CACNA1B: variants seen among roughly 807,000 people sequenced by gnomAD.
CACNA1B encodes voltage-dependent N-type calcium channel subunit alpha-1B.
Under a neutral mutation model 247.2 loss-of-function variants are expected in CACNA1B, and 70 were observed. The observed-to-expected ratio is 0.28, with a 90% confidence interval of 0.23 to 0.35. The LOEUF (loss-of-function observed/expected upper bound fraction) is 0.35, where lower values mean the gene tolerates loss of function less well. Ranked by LOEUF, CACNA1B falls within the 10% of genes least tolerant of loss-of-function variation. The probability of loss-of-function intolerance (pLI) is 1.00; values close to 1 mark genes in which losing one functional copy is unlikely to be tolerated. For missense variants in CACNA1B, 2,367 were observed against 3,197.4 expected (o/e 0.74, Z 6.26); for synonymous variants, 1,231 against 1,294.4 (o/e 0.95, Z 1.05).
rs999017890 is a variant in CACNA1B, at chr9:137,898,672, C to G, written c.531-14508C>G. ...AGGCACATGCCACCAAGCCTGAATACTTAAAAAAAATTTTTTTTTTTTTTT... is the reference window on the plus strand; with the variant it reads ...AGGCACATGCCACCAAGCCTGAATAGTTAAAAAAAATTTTTTTTTTTTTTT... On this transcript the variant is annotated intron_variant, in intron 3 of 46. Coordinates refer to ENST00000371372, the MANE Select transcript of CACNA1B (RefSeq NM_000718.4). Among the ~76,000 whole-genome samples the G allele has an allele frequency of 4.6e-5, 7 of 150,928 alleles. No individual in the cohort carries two copies. The South Asian group carries it at 1.3e-3, about 27-fold the overall frequency.
intron 15 of CACNA1B, among the ~76,000 whole-genome samples, chr9:138,000,631 A>G (rs1008863607): frequency 1.3e-5 from 2 of 152,180 alleles, no homozygotes; most frequent in African/African-American, 4.8e-5. Context: ...GGATGAAATC[A>G]TTTCATGAGG....
chr9:138,099,528 C>T (rs796493224), intron 37 of CACNA1B, among the ~76,000 whole-genome samples: 3 of 150,446 alleles, frequency 2.0e-5, no homozygotes, highest in African/African-American at 7.4e-5. Flanking sequence ...TGTGCACGTG[C>T]CTGTGTGTGC....
At chr9:137,998,409 G>A (rs62591378) in intron 15 of CACNA1B, among the ~76,000 whole-genome samples, 41,368 of 151,906 alleles carry the variant, frequency 0.27, 7,759 homozygotes, top group East Asian at 0.64. Context: ...TCAGGCGTTC[G>A]AGACCAGCTG....
At position 137,971,311 on chromosome 9, in the gene CACNA1B, G is replaced by A; in HGVS notation, c.1334-72G>A. 1 of 1,116,050 alleles carries A rather than the reference G, an allele frequency of 9.0e-7. No homozygotes were observed. The highest frequency in any genetic ancestry group is 1.3e-6 in the Non-Finnish European group (1 of 757,956). The allele number at this position is 1,116,050 out of a possible 1,614,324, so 69.1% of individuals were successfully genotyped here. A position where few individuals can be genotyped will look rare whatever the true frequency, so the allele number is the denominator to read the frequency against. ...GGCAGGTGTCCTCCAGAGTGCGTCT[G>A]TGGGGGTCCACAGGTGGGGTAGGCG... On this transcript the variant is annotated intron_variant, in intron 10 of 46. Transcript: ENST00000371372. This position sits in a 1 kb window ranked among gnomAD's most constrained non-coding sequence, Gnocchi z 4.4.
chr9:137,984,730 T>A (rs930401453), intron 13 of CACNA1B, among the ~76,000 whole-genome samples: 1 of 152,188 alleles, frequency 6.6e-6, no homozygotes, highest in Non-Finnish European at 1.5e-5. Context: ...CTGGCCCCTG[T>A]GCTCAGGCCT....
At chr9:137,967,164 T>G (rs1426855529) in intron 10 of CACNA1B, among the ~76,000 whole-genome samples, 1 of 152,156 alleles carries the variant, frequency 6.6e-6, no homozygotes, top group Non-Finnish European at 1.5e-5. Flanking sequence ...CCACAAAAGG[T>G]TGCCTTCCCT....
Position 138,058,950 on chromosome 9 carries a change from A to C in CACNA1B, c.4474-129A>C. Reference sequence around the variant, plus strand: ...GGTTCTGGGAGGACTCGGGGAGAGCAGGAAGGGGTGTCCCAGGCCTAGGCA... The same window carrying C: ...GGTTCTGGGAGGACTCGGGGAGAGCCGGAAGGGGTGTCCCAGGCCTAGGCA... On this transcript the variant is annotated intron_variant, in intron 29 of 46. Transcript: ENST00000371372. The surrounding 1 kb of genome is among the most constrained non-coding windows in gnomAD (Gnocchi z 4.7). 1.4e-6 allele frequency: 1 copy of C among 714,696 alleles called. No individual in the cohort carries two copies. The highest frequency in any genetic ancestry group is 1.7e-5 in the South Asian group (1 of 59,688). 44.3% of individuals were successfully genotyped at this position (714,696 alleles called of 1,614,324 possible).
intron 15 of CACNA1B, among the ~76,000 whole-genome samples, chr9:138,005,706 A>G (rs1474751190): frequency 6.6e-6 from 1 of 152,262 alleles, no homozygotes; most frequent in Non-Finnish European, 1.5e-5. Context: ...TCAAAATACC[A>G]CAAGTACCCT....
intron 20 of CACNA1B, among the ~76,000 whole-genome samples, chr9:138,039,450 G>A (rs964544240): frequency 2.0e-5 from 3 of 152,064 alleles, no homozygotes; most frequent in Non-Finnish European, 2.9e-5. Context: ...TGTTGGTTCT[G>A]TGTTCAGCCA....
In CACNA1B at chr9:138,011,530, A is replaced by T. The variant is rs145709934; in HGVS notation, c.2160+1453A>T. On this transcript the variant is annotated intron_variant, in intron 17 of 46. Coordinates refer to ENST00000371372, the MANE Select transcript of CACNA1B (RefSeq NM_000718.4). The surrounding 1 kb of genome is among the most constrained non-coding windows in gnomAD (Gnocchi z 4.2). Reference sequence around the variant, plus strand: ...TCCCTTATATTCCCATAATATTCCCACAAAAGCATTACAGCACTATGTACC... The same window carrying T: ...TCCCTTATATTCCCATAATATTCCCTCAAAAGCATTACAGCACTATGTACC... Among the ~76,000 whole-genome samples, 731 of 152,244 alleles carry T rather than the reference A, an allele frequency of 4.8e-3. 2 individuals are homozygous for T. Among genetic ancestry groups the T allele is most frequent in the Non-Finnish European group, 7.4e-3 (503 of 68,014 alleles).
rs73669859 is a variant in CACNA1B at position 138,072,763 on chromosome 9, G to T, written c.4675-725G>T. ...CTGCCAGGTAATCTGTGGAGTCCCA[G>T]GTTTATCCATTTATCATTGTGCTTG... On this transcript the variant is annotated intron_variant, in intron 32 of 46. Coordinates refer to ENST00000371372, the MANE Select transcript of CACNA1B (RefSeq NM_000718.4). The surrounding 1 kb of genome is among the most constrained non-coding windows in gnomAD (Gnocchi z 4.5). Among the ~76,000 whole-genome samples the T allele has an allele frequency of 6.9e-3, 1,050 of 152,336 alleles. 10 individuals are homozygous for T. Among genetic ancestry groups the T allele is most frequent in the African/African-American group, 0.024 (991 of 41,566 alleles).
intron 18 of CACNA1B, among the ~76,000 whole-genome samples, chr9:138,017,484 G>A (rs1009207515): frequency 3.3e-5 from 5 of 152,184 alleles, no homozygotes; most frequent in Admixed American, 6.5e-5. Context: ...CCGGTGTCTC[G>A]AGTGTGTCTG....
At chr9:137,903,628 G>A (rs936508266) in intron 3 of CACNA1B, among the ~76,000 whole-genome samples, 3 of 152,108 alleles carry the variant, frequency 2.0e-5, no homozygotes, top group African/African-American at 4.8e-5. Context: ...CAATAACCCC[G>A]CTGGGATTTT....
chr9:138,049,937 G>C, intron 24 of CACNA1B: 1 of 494,490 alleles, frequency 2.0e-6, no homozygotes, highest in Non-Finnish European at 3.7e-6. Flanking sequence ...GAGTTGTGGG[G>C]TGAGATCCAG....
rs1453655091 is a variant in CACNA1B at position 138,007,512 on chromosome 9, T to C, written c.2092+628T>C. Among the ~76,000 whole-genome samples the C allele has an allele frequency of 6.6e-6, 1 of 152,100 alleles. No individual in the cohort carries two copies. The highest frequency in any genetic ancestry group is 2.4e-5 in the African/African-American group (1 of 41,396). On this transcript the variant is annotated intron_variant, in intron 16 of 46. Transcript: ENST00000371372. The surrounding 1 kb of genome is among the most constrained non-coding windows in gnomAD (Gnocchi z 4.1). ...CAAGGGTGAGGGCTATGACAGGCAG[T>C]GTGAGTGGGTCCCCCTGTAGCTGGG...
intron 31 of CACNA1B, among the ~76,000 whole-genome samples, chr9:138,065,050 TG>T (rs1408369766): frequency 1.3e-5 from 2 of 152,240 alleles, no homozygotes; most frequent in Non-Finnish European, 2.9e-5. Flanking sequence ...TCATTTAATG[TG>T]GGCTATGAGG....
At position 138,121,037 on chromosome 9, in the gene CACNA1B, G is replaced by A. The variant is rs79614828; in HGVS notation, c.6489+156G>A. The stretch of plus-strand genomic sequence containing the variant: ...GGCGCTCCCCTCTGTGCCCTGTCCC[G>A]GAGCCCACGTCTGCAGCCTACCCCA... On this transcript the variant is annotated intron_variant, in intron 46 of 46. Coordinates refer to ENST00000371372, the MANE Select transcript of CACNA1B (RefSeq NM_000718.4). The surrounding 1 kb of genome is among the most constrained non-coding windows in gnomAD (Gnocchi z 6.8). Among the ~76,000 whole-genome samples, 1,129 of 152,080 alleles carry A rather than the reference G, an allele frequency of 7.4e-3. 15 individuals are homozygous for A. Among genetic ancestry groups the A allele is most frequent in the African/African-American group, 0.026 (1,071 of 41,456 alleles).
chr9:137,993,265 TAA>T (rs1169410844), intron 15 of CACNA1B, among the ~76,000 whole-genome samples: 1 of 152,086 alleles, frequency 6.6e-6, no homozygotes, highest in Non-Finnish European at 1.5e-5. Context: ...TTTAGATAAA[TAA>T]AAAGATAAAT....
intron 6 of CACNA1B, among the ~76,000 whole-genome samples, chr9:137,921,874 G>GCTGGGC (rs1957485826): frequency 6.9e-6 from 1 of 145,380 alleles, no homozygotes; most frequent in Non-Finnish European, 1.5e-5. Flanking sequence ...AACATGATCA[G>GCTGGGC]CACTGCAGCC....
Sources: gnomAD v4.1 joint callset for allele counts (sites outside exome capture counted in the v4.1 genomes callset) on GRCh38, gnomAD v4.1.1 for gene constraint, Gnocchi (gnomAD v3.1) non-coding constraint, MANE v1.5 for transcripts, NCBI Gene and HGNC (gene_info 2026-07-23, HGNC 2026-07-21) for gene names.